The following ZNF439 variants were observed in gnomAD, a reference collection of about 807,000 sequenced individuals.
ZNF439 encodes zinc finger protein 439.
ZNF439 carries 40 observed loss-of-function variants against 47.3 expected under a neutral mutation model. The observed-to-expected ratio is 0.85, with a 90% CI of 0.66 to 1.10. ZNF439 has a LOEUF of 1.10. Ranked by LOEUF, ZNF439 falls within the 50% of genes least tolerant of loss-of-function variation. The probability of loss-of-function intolerance (pLI) is 0.00; values close to 1 mark genes in which losing one functional copy is unlikely to be tolerated. For synonymous variants in ZNF439, 171 were observed against 198.8 expected (o/e 0.86, Z 1.18); for missense variants, 556 against 601.1 (o/e 0.93, Z 0.78).
rs1976764963 is a variant in ZNF439 at position 11,868,253 on chromosome 19, G to C, written c.1199G>C (p.Gly400Ala). 1.2e-6 allele frequency: 2 copies of C among 1,613,464 alleles called. No homozygotes were observed. Among genetic ancestry groups the C allele is most frequent in the Non-Finnish European group, 1.7e-6 (2 of 1,179,912 alleles). Residue 400 changes from glycine (G) to alanine (A), a missense_variant, in exon 4 of 4, where the codon GGT becomes GCT. Transcript: ENST00000682736. ...TGTGGTAAAGCCTTCACTCGTTCCG[G>C]TTCCTTTCGATATCATGAAAGGACT... The part of the protein sequence containing the change: ...KQCGKAFTRS[G>A]SFRYHERTHT...
At chr19:11,855,311 G>C (rs545287364) in intron 1 of ZNF439, among the ~76,000 whole-genome samples, 6 of 152,190 alleles carry the variant, frequency 3.9e-5, no homozygotes, top group African/African-American at 4.8e-5. Context: ...GTCCATGGAG[G>C]GGGGTAGGAA....
chr19:11,849,711 A>G (rs1472680178), intron 1 of ZNF439: 1 of 152,170 alleles, frequency 6.6e-6, no homozygotes, highest in Non-Finnish European at 1.5e-5. Context: ...GGAGGTAGGA[A>G]GGAATGCTGA....
intron 1 of ZNF439, among the ~76,000 whole-genome samples, chr19:11,855,673 G>A (rs1976366279): frequency 6.6e-6 from 1 of 152,100 alleles, no homozygotes; most frequent in South Asian, 2.1e-4. Flanking sequence ...TACTGCTGGG[G>A]GATTGGGAAC....
At chr19:11,866,124 G>A (rs367879513) in intron 1 of ZNF439, 81 bp from the exon 2 acceptor site, 13 of 1,593,104 alleles carry the variant, frequency 8.2e-6, no homozygotes, top group African/African-American at 1.4e-5. Flanking sequence ...ACGGCATCCT[G>A]AGAACTTCTT....
chr19:11,849,293 C>T (rs1207727833), intron 1 of ZNF439: 1 of 1,005,924 alleles, frequency 9.9e-7, no homozygotes, highest in Non-Finnish European at 1.2e-6. Context: ...TCCACTTTCT[C>T]CTGTTAAAAA....
In ZNF439 at chr19:11,868,334, C is replaced by T. The variant is rs1221812415; in HGVS notation, c.1280C>T (p.Ala427Val). ...CKQCGKAFRS[A>V]PNLQLHGRTH... is the part of the protein sequence containing the mutation. ...CAATGTGGGAAAGCCTTCAGATCTG[C>T]CCCAAATCTTCAATTGCATGGTAGG... is the stretch of plus-strand genomic sequence containing the variant. Residue 427 changes from alanine (A) to valine (V), a missense_variant, in exon 4 of 4, where the codon GCC becomes GTC. Coordinates refer to ENST00000682736, the MANE Select transcript of ZNF439 (RefSeq NM_001348719.2). 8.7e-6 allele frequency: 14 copies of T among 1,600,898 alleles called. No homozygotes were observed. Among genetic ancestry groups the T allele is most frequent in the Non-Finnish European group, 1.2e-5 (14 of 1,170,138 alleles).
At chr19:11,864,836 C>T (rs1976630633) in intron 1 of ZNF439, among the ~76,000 whole-genome samples, 1 of 151,692 alleles carries the variant, frequency 6.6e-6, no homozygotes, top group South Asian at 2.1e-4. Context: ...CTCTTGTTGC[C>T]CAGGCTGGAG....
rs1976143176 is a variant in ZNF439, at chr19:11,848,780, C to G, written c.-88C>G. ...ATTCCTGCCGTCACCTTTGTCGCTG[C>G]GAGGGCGGCGGTTGGGATCTGGCCT... is the stretch of plus-strand genomic sequence containing the variant. On this transcript the variant is annotated 5_prime_UTR_variant, in exon 1 of 4. Coordinates refer to ENST00000682736, the MANE Select transcript of ZNF439 (RefSeq NM_001348719.2). The G allele has an allele frequency of 4.5e-6, 6 of 1,345,588 alleles. No individual in the cohort carries two copies. The highest frequency in any genetic ancestry group is 4.9e-6 in the Non-Finnish European group (5 of 1,027,020). 83.4% of individuals were successfully genotyped at this position (1,345,588 alleles called of 1,614,324 possible). A position where few individuals can be genotyped will look rare whatever the true frequency, so the allele number is the denominator to read the frequency against.
Position 11,849,135 on chromosome 19 carries a change from C to T in ZNF439, c.63+205C>T. On this transcript the variant is annotated intron_variant, in intron 1 of 3. Coordinates refer to ENST00000682736, the MANE Select transcript of ZNF439 (RefSeq NM_001348719.2). The stretch of plus-strand genomic sequence containing the variant: ...TCCCGTCCCTGCCCGTCGACTGCGG[C>T]CTTGGCCCCGAAGCCCTTTTGTGCA... 3 of 1,146,830 alleles carry T rather than the reference C, an allele frequency of 2.6e-6. No homozygotes were observed. In the South Asian group the frequency reaches 5.5e-5, roughly 21 times the overall value. The allele number at this position is 1,146,830 out of a possible 1,614,324, so 71.0% of individuals were successfully genotyped here.
chr19:11,865,537 C>G lies in ZNF439; in HGVS notation c.64-668C>G, dbSNP rs149400295. Among the ~76,000 whole-genome samples, 372 of 150,480 alleles carry G rather than the reference C, an allele frequency of 2.5e-3. 4 individuals are homozygous for G. Among genetic ancestry groups the G allele is most frequent in the African/African-American group, 8.6e-3 (349 of 40,790 alleles). On this transcript the variant is annotated intron_variant, in intron 1 of 3. Transcript: ENST00000682736. The stretch of plus-strand genomic sequence containing the variant: ...TATCTGCCTTCTCTAACAATGTCAT[C>G]AAAGATTACACTTTGGGAACAGGCA...
At chr19:11,865,992 G>T (rs1213343628) in intron 1 of ZNF439, 1 of 1,375,288 alleles carries the variant, frequency 7.3e-7, no homozygotes, top group Non-Finnish European at 9.4e-7. Flanking sequence ...TCCAGCCTGG[G>T]CAATAAGAGT....
In ZNF439 at chr19:11,868,760, C is replaced by A; in HGVS notation, c.*191C>A. On this transcript the variant is annotated 3_prime_UTR_variant, in exon 4 of 4. Coordinates refer to ENST00000682736, the MANE Select transcript of ZNF439 (RefSeq NM_001348719.2). Reference sequence around the variant, plus strand: ...AGTGTAAGCAATGTGGGAAAGTCTTCAGATCTGTCAAGAACCTTTCAATTT... The same window carrying A: ...AGTGTAAGCAATGTGGGAAAGTCTTAAGATCTGTCAAGAACCTTTCAATTT... 2 of 691,560 alleles carry A rather than the reference C, an allele frequency of 2.9e-6. No individual in the cohort carries two copies. The highest frequency in any genetic ancestry group is 1.8e-5 in the South Asian group (1 of 55,662). 42.8% of individuals were successfully genotyped at this position (691,560 alleles called of 1,614,324 possible). A position where few individuals can be genotyped will look rare whatever the true frequency, so the allele number is the denominator to read the frequency against.
At position 11,866,596 on chromosome 19, in the gene ZNF439, A is replaced by G. The variant is rs1325031947; in HGVS notation, c.250A>G (p.Arg84Gly). The G allele has an allele frequency of 6.2e-7, 1 of 1,613,150 alleles. No individual in the cohort carries two copies. The highest frequency in any genetic ancestry group is 2.2e-5 in the East Asian group (1 of 44,854). ...GTACCAAAACCCCAGGAGAAACTTCAGGTAATTTGCACTTATAAGAGAAAG... is the reference window on the plus strand; with the variant it reads ...GTACCAAAACCCCAGGAGAAACTTCGGGTAATTTGCACTTATAAGAGAAAG... ...YEYQNPRRNF[R>G]SVTEEKVNEI... The change falls in exon 3 of 4, where the codon AGG becomes GGG. Residue 84 changes from arginine (R) to glycine (G), a missense_variant and splice_region_variant. Arg to Gly is a moderately radical substitution (Grantham distance 125, BLOSUM62 -2). Transcript: ENST00000682736.
intron 1 of ZNF439, chr19:11,856,460 T>C (rs1170846011): frequency 6.6e-6 from 1 of 152,252 alleles, no homozygotes; most frequent in Non-Finnish European, 1.5e-5. Context: ...TGACCGACAA[T>C]GTCACCGCAC....
At chr19:11,866,088 A>G (rs1318463794) in intron 1 of ZNF439, 117 bp from the exon 2 acceptor site, 4 of 1,548,342 alleles carry the variant, frequency 2.6e-6, no homozygotes, top group Non-Finnish European at 3.5e-6. Context: ...CTGATGACCA[A>G]AGCAGGGAAT....
chr19:11,865,097 G>A (rs1170478889), intron 1 of ZNF439, among the ~76,000 whole-genome samples: 1 of 152,094 alleles, frequency 6.6e-6, no homozygotes, highest in Non-Finnish European at 1.5e-5. Flanking sequence ...TATTTTCTAA[G>A]ACTAAATAAT....
At chr19:11,860,357 T>C (rs1212766822) in intron 1 of ZNF439, among the ~76,000 whole-genome samples, 1 of 152,164 alleles carries the variant, frequency 6.6e-6, no homozygotes, top group African/African-American at 2.4e-5. Context: ...AAACTTCCTG[T>C]TCCCAGTACT....
At chr19:11,854,648 C>T (rs1976336280) in intron 1 of ZNF439, among the ~76,000 whole-genome samples, 1 of 152,104 alleles carries the variant, frequency 6.6e-6, no homozygotes, top group Non-Finnish European at 1.5e-5. Context: ...ATCCCAGCTA[C>T]TCAGGAGGCT....
chr19:11,867,743 G>T lies in ZNF439; in HGVS notation c.689G>T (p.Cys230Phe), dbSNP rs1452309822. The T allele has an allele frequency of 2.5e-6, 4 of 1,614,052 alleles. No individual in the cohort carries two copies. The highest frequency in any genetic ancestry group is 2.7e-5 in the African/African-American group (2 of 74,926). The stretch of plus-strand genomic sequence containing the variant: ...AAGTTTTGTGGGAAAGCATTCCATT[G>T]TCTCAGTTTATATCTTATCCATGAA... ...KCKFCGKAFH[C>F]LSLYLIHERT... Residue 230 changes from cysteine to phenylalanine, a missense_variant, in exon 4 of 4, where the codon TGT (cysteine) becomes TTT (phenylalanine). Transcript: ENST00000682736.
Sources: gnomAD v4.1 joint callset for allele counts (sites outside exome capture counted in the v4.1 genomes callset) on GRCh38, gnomAD v4.1.1 for gene constraint, MANE v1.5 for transcripts, NCBI Gene and HGNC (gene_info 2026-07-23, HGNC 2026-07-21) for gene names.